The following BICC1 variants were observed in gnomAD, a reference collection of about 807,000 sequenced individuals.
BICC1 encodes BicC family RNA binding protein 1, also known as protein bicaudal C homolog 1.
BICC1 carries 43 observed loss-of-function variants against 111.0 expected under a neutral mutation model. That is an observed-to-expected ratio of 0.39 (90% CI 0.30 to 0.50). The LOEUF (loss-of-function observed/expected upper bound fraction) is 0.50, where lower values mean the gene tolerates loss of function less well. BICC1 is among the 20% of genes least tolerant of loss of function. The pLI, the probability that BICC1 is intolerant of heterozygous loss-of-function variation, is 0.88. For missense variants in BICC1, 1,091 were observed against 1,203.2 expected (o/e 0.91, Z 1.38); for synonymous variants, 467 against 434.4 (o/e 1.07, Z -0.93).
At chr10:58,574,170 G>A (rs1844042512) in intron 1 of BICC1, among the ~76,000 whole-genome samples, 1 of 152,160 alleles carries the variant, frequency 6.6e-6, no homozygotes, top group Admixed American at 6.6e-5. Context: ...TTTGTTACAT[G>A]CACTGTGCTG....
chr10:58,819,689 G>T (rs1218874642), intron 19 of BICC1, among the ~76,000 whole-genome samples: 5 of 152,100 alleles, frequency 3.3e-5, no homozygotes, highest in Admixed American at 2.0e-4. Context: ...AACCCTCTGT[G>T]CCCACAGCTA....
chr10:58,719,703 T>G (rs1441663724), intron 3 of BICC1, among the ~76,000 whole-genome samples: 1 of 152,222 alleles, frequency 6.6e-6, no homozygotes, highest in Non-Finnish European at 1.5e-5. Flanking sequence ...CTTATTCCTT[T>G]CCATGTGCGC....
Position 58,799,246 on chromosome 10 carries a change from T to C in BICC1, c.1719T>C (p.His573=), listed in dbSNP as rs1022390796. The change falls in exon 12 of 21, where the codon CAT becomes CAC. Residue 573 remains histidine (H), a synonymous_variant. Coordinates refer to ENST00000373886, the MANE Select transcript of BICC1 (RefSeq NM_001080512.3). ...AAATCTCTGCTGCTTTAAATGGACA[T>C]GCACAGGTAATGGCCTTCTGCCAGA... ...GKKISAALNG[H]AQSPDIKYGA... is the part of the protein sequence containing the mutation. 1.2e-4 allele frequency: 188 copies of C among 1,596,718 alleles called. No individual in the cohort carries two copies. The highest frequency in any genetic ancestry group is 1.5e-4 in the Non-Finnish European group (178 of 1,169,928).
chr10:58,613,626 G>A (rs747761455), intron 1 of BICC1, among the ~76,000 whole-genome samples: 2 of 151,894 alleles, frequency 1.3e-5, no homozygotes, highest in Non-Finnish European at 2.9e-5. Flanking sequence ...CAGATCTAAC[G>A]GTAGCTGTCC....
intron 2 of BICC1, among the ~76,000 whole-genome samples, chr10:58,666,935 A>G (rs149734460): frequency 1.3e-5 from 2 of 152,294 alleles, no homozygotes; most frequent in East Asian, 1.9e-4. Flanking sequence ...ATTTGCTCCT[A>G]TTTAACTTGT....
intron 1 of BICC1, among the ~76,000 whole-genome samples, chr10:58,615,206 C>T (rs1866167): frequency 0.99 from 151,129 of 152,318 alleles, 74,984 homozygotes; most frequent in East Asian, 1. Flanking sequence ...TTTATGTTTT[C>T]ATTGAGCTTT....
At chr10:58,710,568 G>A (rs367930628) in intron 3 of BICC1, among the ~76,000 whole-genome samples, 11 of 152,312 alleles carry the variant, frequency 7.2e-5, no homozygotes, top group African/African-American at 2.6e-4. Flanking sequence ...TTTTTGAAAA[G>A]TGCTTGCCTC....
At chr10:58,601,423 A>G (rs1845036686) in intron 1 of BICC1, among the ~76,000 whole-genome samples, 1 of 151,594 alleles carries the variant, frequency 6.6e-6, no homozygotes, top group African/African-American at 2.4e-5. Context: ...TCATCTTTTC[A>G]AATGACCTTA....
chr10:58,517,427 T>C (rs1026672117), intron 1 of BICC1, among the ~76,000 whole-genome samples: 3 of 152,062 alleles, frequency 2.0e-5, no homozygotes, highest in African/African-American at 7.2e-5. Flanking sequence ...TTCAGCAAAC[T>C]TTAGTGGATT....
In BICC1 at chr10:58,800,330, G is replaced by A. The variant is rs370288386; in HGVS notation, c.1858+4G>A. The A allele has an allele frequency of 3.0e-5, 49 of 1,613,024 alleles. No homozygotes were observed. In the Middle Eastern group the frequency reaches 1.8e-3, roughly 60 times the overall value. On this transcript the variant is annotated splice_donor_region_variant and intron_variant, in intron 13 of 20. Coordinates refer to ENST00000373886, the MANE Select transcript of BICC1 (RefSeq NM_001080512.3). ...CCCAAATCAAGCCCCACTGAAGGTCGGGAACTGTACCCTTCTGAAATTCAT... is the reference window on the plus strand; with the variant it reads ...CCCAAATCAAGCCCCACTGAAGGTCAGGAACTGTACCCTTCTGAAATTCAT...
intron 2 of BICC1, among the ~76,000 whole-genome samples, chr10:58,640,167 G>A (rs114798653): frequency 1.9e-3 from 295 of 152,214 alleles, no homozygotes; most frequent in African/African-American, 6.8e-3. Flanking sequence ...TCTTAGAAAA[G>A]ATTGGGTTGG....
chr10:58,604,440 C>A (rs764506836), intron 1 of BICC1, among the ~76,000 whole-genome samples: 2 of 152,094 alleles, frequency 1.3e-5, no homozygotes, highest in East Asian at 3.9e-4. Context: ...GAGGCCGAGG[C>A]GAGTGGATCA....
At chr10:58,697,001 C>A (rs1040120929) in intron 2 of BICC1, among the ~76,000 whole-genome samples, 2 of 152,170 alleles carry the variant, frequency 1.3e-5, no homozygotes, top group Non-Finnish European at 2.9e-5. Context: ...TCTAATTTAA[C>A]TGACAGCATG....
intron 1 of BICC1, among the ~76,000 whole-genome samples, chr10:58,567,408 A>G (rs1168169587): frequency 6.6e-6 from 1 of 151,864 alleles, no homozygotes; most frequent in Non-Finnish European, 1.5e-5. Flanking sequence ...TAGGGGAGAT[A>G]TATATATATG....
At position 58,813,014 on chromosome 10, in the gene BICC1, C is replaced by T. The variant is rs185503727; in HGVS notation, c.2377-816C>T. On this transcript the variant is annotated intron_variant, in intron 17 of 20. Transcript: ENST00000373886. The stretch of plus-strand genomic sequence containing the variant: ...TTGGGGCCTGGGGTGTCAGGATGCC[C>T]TAAAGAAAGAAATTTTTAAAGGAGG... Among the ~76,000 whole-genome samples the T allele has an allele frequency of 2.3e-3, 356 of 152,090 alleles. 3 individuals are homozygous for T. The highest frequency in any genetic ancestry group is 8.3e-3 in the African/African-American group (344 of 41,488).
chr10:58,513,864 G>A (rs1046842256), intron 1 of BICC1, among the ~76,000 whole-genome samples: 1 of 152,204 alleles, frequency 6.6e-6, no homozygotes, highest in African/African-American at 2.4e-5. Context: ...CCACCCCTGT[G>A]GTCAAGGAGG....
chr10:58,705,887 G>C (rs1453322633), intron 3 of BICC1, among the ~76,000 whole-genome samples: 2 of 152,100 alleles, frequency 1.3e-5, no homozygotes, highest in Non-Finnish European at 2.9e-5. Context: ...GAAATTATTG[G>C]AAGGTTGAGT....
intron 2 of BICC1, among the ~76,000 whole-genome samples, chr10:58,675,905 G>A (rs935161916): frequency 7.9e-5 from 12 of 152,200 alleles, no homozygotes; most frequent in African/African-American, 2.9e-4. Context: ...GCAGAAGGCG[G>A]GTGATTTCTG....
In BICC1 at chr10:58,707,994, G is replaced by A. The variant is rs1465769939; in HGVS notation, c.307+5851G>A. 1.4e-3 allele frequency among the ~76,000 whole-genome samples: 154 copies of A among 111,456 alleles called. 2 individuals are homozygous for A. The Admixed American group carries it at 0.015, about 11-fold the overall frequency. 73.1% of individuals were successfully genotyped at this position (111,456 alleles called of 152,430 possible). On this transcript the variant is annotated intron_variant, in intron 3 of 20. Transcript: ENST00000373886. Reference sequence around the variant, plus strand: ...TTACAGGTGTGAGCCACCGCGCCTAGCCAGCTAATTTTTTTTTTTTTGTAT... The same window carrying A: ...TTACAGGTGTGAGCCACCGCGCCTAACCAGCTAATTTTTTTTTTTTTGTAT...
Sources: allele counts gnomAD v4.1 joint callset (sites outside exome capture counted in the v4.1 genomes callset), GRCh38; gene constraint gnomAD v4.1.1; transcripts MANE v1.5; gene names NCBI Gene and HGNC (gene_info 2026-07-23, HGNC 2026-07-21).